The following AHCTF1 variants were observed in gnomAD, a reference collection of about 807,000 sequenced individuals.
The protein encoded by AHCTF1 is protein ELYS.
A neutral mutation model predicts 248.4 loss-of-function variants in AHCTF1; 24 were observed. The observed-to-expected ratio is 0.10, with a 90% CI of 0.07 to 0.14. The LOEUF (loss-of-function observed/expected upper bound fraction) is 0.14, where lower values mean the gene tolerates loss of function less well. Ranked by LOEUF, AHCTF1 falls within the 10% of genes least tolerant of loss-of-function variation. The pLI, the probability that AHCTF1 is intolerant of heterozygous loss-of-function variation, is 1.00. For missense variants in AHCTF1, 2,206 were observed against 2,636.2 expected, an observed-to-expected ratio of 0.84 and a Z score of 3.57; for synonymous variants, 786 against 929.8, an observed-to-expected ratio of 0.85 and a Z score of 2.81.
intron 24 of AHCTF1, among the ~76,000 whole-genome samples, chr1:246,872,109 AAATATGGTCATAGATCATC>A (rs1410959871): frequency 3.3e-5 from 5 of 152,006 alleles, no homozygotes; most frequent in Admixed American, 2.6e-4. Context: ...GTCTCTAACT[AAATATGGTCATAGATCATC>A]ACATTATGGT....
At chr1:246,859,922 A>T (rs186748646) in intron 29 of AHCTF1, among the ~76,000 whole-genome samples, 28 of 152,288 alleles carry the variant, frequency 1.8e-4, no homozygotes, top group Admixed American at 1.6e-3. Flanking sequence ...GAAATTCTTA[A>T]TTTCTGAGAA....
At chr1:246,926,006 C>T (rs2103254539) in intron 1 of AHCTF1, among the ~76,000 whole-genome samples, 1 of 145,506 alleles carries the variant, frequency 6.9e-6, no homozygotes, top group South Asian at 2.2e-4. Flanking sequence ...CATAACTGCA[C>T]CAATGAATTC....
chr1:246,887,206 C>T lies in AHCTF1; in HGVS notation c.2472+5G>A. 1.2e-6 allele frequency: 2 copies of T among 1,604,522 alleles called. No homozygotes were observed. The highest frequency in any genetic ancestry group is 1.7e-6 in the Non-Finnish European group (2 of 1,177,552). ...AAAGTTTATGCTGTAAGTGAATAGA[C>T]TTACCTCATAGTCATTATGATCTAT... On this transcript the variant is annotated splice_donor_5th_base_variant and intron_variant, in intron 20 of 35. Coordinates refer to ENST00000648844, the MANE Select transcript of AHCTF1 (RefSeq NM_001323342.2).
intron 26 of AHCTF1, among the ~76,000 whole-genome samples, chr1:246,865,979 A>G (rs1661951906): frequency 6.6e-6 from 1 of 152,176 alleles, no homozygotes; most frequent in Non-Finnish European, 1.5e-5. Flanking sequence ...TAATCCATAT[A>G]AAGAATGCAT....
In AHCTF1 at chr1:246,904,051, G is replaced by A. The variant is rs770648988; in HGVS notation, c.882-18C>T. 58 of 1,598,398 alleles carry A rather than the reference G, an allele frequency of 3.6e-5. No individual in the cohort carries two copies. The South Asian group carries it at 4.4e-4, about 12-fold the overall frequency. ...CCCCTTCACTGAAACAGAAATTAACGAAGACACGCTAAATATATTAATACA... is the reference window on the plus strand; with the variant it reads ...CCCCTTCACTGAAACAGAAATTAACAAAGACACGCTAAATATATTAATACA... On this transcript the variant is annotated intron_variant, in intron 6 of 35. Coordinates refer to ENST00000648844, the MANE Select transcript of AHCTF1 (RefSeq NM_001323342.2).
intron 17 of AHCTF1, among the ~76,000 whole-genome samples, chr1:246,889,638 C>A (rs1311382198): frequency 1.3e-5 from 2 of 152,094 alleles, no homozygotes; most frequent in Admixed American, 6.5e-5. Context: ...GTGTAAGAAA[C>A]CTGGAATCAA....
rs758476757 is a variant in AHCTF1 at position 246,913,428 on chromosome 1, C to T, written c.376-16G>A. ...TAGCTGTTACCTAGAAAACATAATA[C>T]GTGATTTGCTTTTCTTCTGCAAAGT... On this transcript the variant is annotated splice_polypyrimidine_tract_variant and intron_variant, in intron 3 of 35. Coordinates refer to ENST00000648844, the MANE Select transcript of AHCTF1 (RefSeq NM_001323342.2). 9 of 1,585,836 alleles carry T rather than the reference C, an allele frequency of 5.7e-6. No individual in the cohort carries two copies. Among genetic ancestry groups the T allele is most frequent in the African/African-American group, 2.7e-5 (2 of 74,032 alleles).
At chr1:246,857,629 C>CTGGTTCATAATTTCATTAAACT (rs1661197913) in intron 30 of AHCTF1, 62 bp downstream of exon 30, 2 of 1,513,348 alleles carry the variant, frequency 1.3e-6, no homozygotes, top group East Asian at 4.6e-5. Context: ...TATTTTACTT[C>CTGGTTCATAATTTCATTAAACT]TGGTTCATAA....
chr1:246,861,636 G>C (rs1453544739), intron 28 of AHCTF1, among the ~76,000 whole-genome samples: 3 of 152,150 alleles, frequency 2.0e-5, no homozygotes, highest in Admixed American at 6.5e-5. Context: ...ACAATATAAG[G>C]TAAAAACAAA....
At position 246,855,710 on chromosome 1, in the gene AHCTF1, G is replaced by C; in HGVS notation, c.4354+20C>G. 6.4e-7 allele frequency: 1 copy of C among 1,567,790 alleles called. No individual in the cohort carries two copies. The highest frequency in any genetic ancestry group is 8.7e-7 in the Non-Finnish European group (1 of 1,146,544). On this transcript the variant is annotated intron_variant, in intron 31 of 35. Coordinates refer to ENST00000648844, the MANE Select transcript of AHCTF1 (RefSeq NM_001323342.2). ...AACACAAAAATGGAATAATCCTGAA[G>C]TCAAAATTATTATACATACATTTAT... is the stretch of plus-strand genomic sequence containing the variant.
chr1:246,909,409 A>G (rs985066558), intron 4 of AHCTF1, among the ~76,000 whole-genome samples: 2 of 149,746 alleles, frequency 1.3e-5, no homozygotes, highest in African/African-American at 4.9e-5. Context: ...AAAAAAAAAA[A>G]AAAAAAAAAA....
chr1:246,844,350 A>G (rs1387418629), intron 33 of AHCTF1, among the ~76,000 whole-genome samples: 1 of 152,206 alleles, frequency 6.6e-6, no homozygotes, highest in Non-Finnish European at 1.5e-5. Flanking sequence ...TTTATTTTCA[A>G]AAAAGAGAAA....
intron 27 of AHCTF1, among the ~76,000 whole-genome samples, chr1:246,863,027 A>G (rs975748416): frequency 6.6e-6 from 1 of 152,222 alleles, no homozygotes; most frequent in African/African-American, 2.4e-5. Context: ...TCTTTTTTCT[A>G]GACTATTCTG....
chr1:246,931,569 T>G lies in AHCTF1; in HGVS notation c.-8+9A>C, dbSNP rs1357462778. 1.1e-5 allele frequency: 2 copies of G among 186,622 alleles called. No individual in the cohort carries two copies. The highest frequency in any genetic ancestry group is 6.7e-5 in the Admixed American group (1 of 14,874). 11.6% of individuals were successfully genotyped at this position (186,622 alleles called of 1,614,324 possible). On this transcript the variant is annotated intron_variant, in intron 1 of 35. Coordinates refer to ENST00000648844, the MANE Select transcript of AHCTF1 (RefSeq NM_001323342.2). ...CGCGGGCCCAACCCCCTCCCTCCCTTCCCCCTACCTGAACGGGGCGGGTGA... is the reference window on the plus strand; with the variant it reads ...CGCGGGCCCAACCCCCTCCCTCCCTGCCCCCTACCTGAACGGGGCGGGTGA...
intron 21 of AHCTF1, among the ~76,000 whole-genome samples, chr1:246,882,941 T>G (rs940303385): frequency 6.6e-6 from 1 of 152,224 alleles, no homozygotes; most frequent in Non-Finnish European, 1.5e-5. Flanking sequence ...TTGATCCTAT[T>G]TCACAAAGTG....
At position 246,851,461 on chromosome 1, in the gene AHCTF1, A is replaced by G. The variant is rs1252600142; in HGVS notation, c.4564-19T>C. On this transcript the variant is annotated intron_variant, in intron 32 of 35. Transcript: ENST00000648844. ...CAATCACCTAAATGAATTAAAGATAAGAGACTGGTTAAAGAATTTTAATAC... is the reference window on the plus strand; with the variant it reads ...CAATCACCTAAATGAATTAAAGATAGGAGACTGGTTAAAGAATTTTAATAC... The G allele has an allele frequency of 6.3e-7, 1 of 1,575,740 alleles. No homozygotes were observed. Among genetic ancestry groups the G allele is most frequent in the East Asian group, 2.3e-5 (1 of 44,426 alleles).
chr1:246,852,664 C>T (rs1309890077), intron 32 of AHCTF1, among the ~76,000 whole-genome samples: 2 of 152,066 alleles, frequency 1.3e-5, no homozygotes, highest in Non-Finnish European at 2.9e-5. Context: ...ACTAAAAAAA[C>T]CTTTCATTTG....
intron 29 of AHCTF1, 39 bp from the exon 30 acceptor site, chr1:246,857,853 T>A: frequency 1.9e-6 from 3 of 1,550,268 alleles, no homozygotes; most frequent in Non-Finnish European, 2.6e-6. Flanking sequence ...TTATGCTAAA[T>A]ATTTAGTGAT....
At chr1:246,928,216 T>C (rs949427176) in intron 1 of AHCTF1, among the ~76,000 whole-genome samples, 5 of 144,168 alleles carry the variant, frequency 3.5e-5, no homozygotes, top group Non-Finnish European at 7.4e-5. Flanking sequence ...GGCAGGAGAA[T>C]GGCATGAACC....
Sources: gnomAD v4.1 joint callset for allele counts (sites outside exome capture counted in the v4.1 genomes callset) on GRCh38, gnomAD v4.1.1 for gene constraint, MANE v1.5 for transcripts, NCBI Gene and HGNC (gene_info 2026-07-23, HGNC 2026-07-21) for gene names.